Variants in ZSCAN23 observed in about 807,000 individuals in gnomAD.
The protein encoded by ZSCAN23 is zinc finger and SCAN domain containing 23, also known as zinc finger and SCAN domain-containing protein 23.
In ZSCAN23, 19 loss-of-function variants were observed where a neutral mutation model predicts 19.3. That is an observed-to-expected ratio of 0.99 (90% CI 0.69 to 1.45). The LOEUF is 1.45. ZSCAN23 is among the 40% of genes most tolerant of loss of function. The pLI is 0.00. For missense variants in ZSCAN23, 372 were observed against 462.5 expected (o/e 0.80, Z 1.79); for synonymous variants, 140 against 166.2 (o/e 0.84, Z 1.21).
intron 3 of ZSCAN23, among the ~76,000 whole-genome samples, 179 bp downstream of exon 3, chr6:28,435,281 T>C (rs1761854794): frequency 6.6e-6 from 1 of 152,232 alleles, no homozygotes; most frequent in Admixed American, 6.5e-5. Flanking sequence ...TACTTAATTG[T>C]CTGCCTCTCC....
chr6:28,434,968 T>C lies in ZSCAN23; in HGVS notation c.667A>G (p.Ile223Val), dbSNP rs1318481122. 7 of 1,551,664 alleles carry C rather than the reference T, an allele frequency of 4.5e-6. No homozygotes were observed. Among genetic ancestry groups the C allele is most frequent in the South Asian group, 1.2e-5 (1 of 84,066 alleles). ...TCACAGGTATCTCCATACTCAGGAA[T>C]CTGAGTAATATTACCATTCTGTTTT... ...LGKQNGNITQ[I>V]PEYGDTCDRE... Residue 223 changes from isoleucine (I) to valine (V), a missense_variant, in exon 4 of 4, where the codon ATT becomes GTT. Ile to Val is a conservative substitution (Grantham distance 29). Transcript: ENST00000289788.
At chr6:28,432,454 G>A (rs1416439919), downstream of ZSCAN23, among the ~76,000 whole-genome samples, 1 of 152,126 alleles carries the variant, frequency 6.6e-6, no homozygotes, top group Non-Finnish European at 1.5e-5. Flanking sequence ...AGTTTGATAT[G>A]TAAGGTGTAA....
chr6:28,426,285 C>A, the ZSCAN23 span, among the ~76,000 whole-genome samples: 1 of 152,184 alleles, frequency 6.6e-6, no homozygotes, highest in Non-Finnish European at 1.5e-5. Flanking sequence ...TTAATCATTT[C>A]TAGCTTTTAA....
At chr6:28,437,738 T>C (rs1761922561) in intron 1 of ZSCAN23, among the ~76,000 whole-genome samples, 1 of 152,190 alleles carries the variant, frequency 6.6e-6, no homozygotes, top group Non-Finnish European at 1.5e-5. Context: ...TGACCAGGAC[T>C]CTTATTAAGA....
chr6:28,437,375 A>G (rs1267714868), intron 1 of ZSCAN23, among the ~76,000 whole-genome samples: 3 of 152,202 alleles, frequency 2.0e-5, no homozygotes, highest in Non-Finnish European at 4.4e-5. Flanking sequence ...TGAGGTCAGG[A>G]GTTCGAGAAT....
chr6:28,440,779 C>T (rs1761983968), intron 1 of ZSCAN23, among the ~76,000 whole-genome samples: 1 of 152,164 alleles, frequency 6.6e-6, no homozygotes, highest in African/African-American at 2.4e-5. Context: ...AATCTTTATA[C>T]AGTTTCCCAA....
chr6:28,435,671 C>G, intron 2 of ZSCAN23, 64 bp from the exon 3 acceptor site: 1 of 1,492,470 alleles, frequency 6.7e-7, no homozygotes, highest in Non-Finnish European at 8.9e-7. Context: ...GAGGCCTCCT[C>G]AGGGCCGCTG....
chr6:28,436,630 A>G (rs1407867357), intron 1 of ZSCAN23, among the ~76,000 whole-genome samples: 1 of 152,226 alleles, frequency 6.6e-6, no homozygotes, highest in Non-Finnish European at 1.5e-5. Flanking sequence ...ATAGCAAGAT[A>G]CTAAATTCAG....
chr6:28,435,582 T>G lies in ZSCAN23; in HGVS notation c.434A>C (p.Glu145Ala), dbSNP rs1041502700. ...EQVLSHAHEQEEFVKEKATPG... is the reference protein window; with the variant it reads ...EQVLSHAHEQAEFVKEKATPG... ...AGTTGCCTTCTCCTTTACAAACTCTTCCTGTTCATGAGCATGGCTCAGGAC... is the reference window on the plus strand; with the variant it reads ...AGTTGCCTTCTCCTTTACAAACTCTGCCTGTTCATGAGCATGGCTCAGGAC... The change falls in exon 3 of 4, where the codon GAA becomes GCA. Residue 145 changes from glutamate to alanine, a missense_variant. Glu to Ala is a moderately radical substitution (Grantham distance 107, BLOSUM62 -1). Coordinates refer to ENST00000289788, the MANE Select transcript of ZSCAN23 (RefSeq NM_001012455.2). The G allele has an allele frequency of 6.4e-7, 1 of 1,551,542 alleles. No individual in the cohort carries two copies. Among genetic ancestry groups the G allele is most frequent in the African/African-American group, 1.4e-5 (1 of 73,030 alleles).
downstream of ZSCAN23, among the ~76,000 whole-genome samples, chr6:28,430,858 T>A (rs1761748418): frequency 6.6e-6 from 1 of 152,172 alleles, no homozygotes; most frequent in Admixed American, 6.5e-5. Context: ...TTCCCCTTCA[T>A]CCGACTACCT....
At chr6:28,423,292 A>AG in the ZSCAN23 span, among the ~76,000 whole-genome samples, 1 of 152,378 alleles carries the variant, frequency 6.6e-6, no homozygotes, top group East Asian at 1.9e-4. Context: ...ATAACATGTT[A>AG]GCCATTTTCT....
Sources: allele counts gnomAD v4.1 joint callset (sites outside exome capture counted in the v4.1 genomes callset), GRCh38; gene constraint gnomAD v4.1.1; transcripts MANE v1.5; gene names NCBI Gene and HGNC (gene_info 2026-07-23, HGNC 2026-07-21).